SLC39A8: variants seen among roughly 807,000 people sequenced by gnomAD.
SLC39A8 encodes the protein solute carrier family 39 member 8.
A neutral mutation model predicts 40.4 loss-of-function variants in SLC39A8; 15 were observed. The observed-to-expected ratio is 0.37, with a 90% CI of 0.25 to 0.57. The LOEUF is 0.57. Among genes scored for constraint, SLC39A8 ranks in the 20% least tolerant of loss-of-function variants. SLC39A8 has a pLI of 0.75. For synonymous variants in SLC39A8, 223 were observed against 221.6 expected, an observed-to-expected ratio of 1.01 and a Z score of -0.06; for missense variants, 472 against 558.8, an observed-to-expected ratio of 0.84 and a Z score of 1.57.
intron 2 of SLC39A8, among the ~76,000 whole-genome samples, chr4:102,316,632 GA>G (rs1178757163): frequency 6.6e-6 from 1 of 152,152 alleles, no homozygotes; most frequent in Non-Finnish European, 1.5e-5. Flanking sequence ...ATTATAGTGT[GA>G]AAAATATCCA....
rs192029473 is a variant in SLC39A8, at chr4:102,319,245, G to A, written c.220-3415C>T. 2.6e-5 allele frequency among the ~76,000 whole-genome samples: 4 copies of A among 152,302 alleles called. No homozygotes were observed. The South Asian group carries it at 8.3e-4, about 32-fold the overall frequency. On this transcript the variant is annotated intron_variant, in intron 2 of 8. Coordinates refer to ENST00000356736, the MANE Select transcript of SLC39A8 (RefSeq NM_001135146.2). Reference sequence around the variant, plus strand: ...CCTAAACATGTCCTTATGGGAAAGTGGGGGGCTGGTTCAGAGAGAGGATGA... The same window carrying A: ...CCTAAACATGTCCTTATGGGAAAGTAGGGGGCTGGTTCAGAGAGAGGATGA...
intron 6 of SLC39A8, among the ~76,000 whole-genome samples, chr4:102,295,747 C>T (rs1333202179): frequency 6.6e-6 from 1 of 152,000 alleles, no homozygotes; most frequent in Non-Finnish European, 1.5e-5. Context: ...TTGATGCCAC[C>T]AGCCTCCACA....
In SLC39A8 at chr4:102,320,207, A is replaced by ATATATATG. The variant is rs1422007472; in HGVS notation, c.220-4385_220-4378dup. Among the ~76,000 whole-genome samples, 133 of 138,098 alleles carry ATATATATG rather than the reference A, an allele frequency of 9.6e-4. No homozygotes were observed. The South Asian group carries it at 0.012, about 13-fold the overall frequency. The allele number at this position is 138,098 out of a possible 152,430, so 90.6% of individuals were successfully genotyped here. On this transcript the variant is annotated intron_variant, in intron 2 of 8. Coordinates refer to ENST00000356736, the MANE Select transcript of SLC39A8 (RefSeq NM_001135146.2). ...TATATATATGTATATATATATGTAT[A>ATATATATG]TATATATGTATATATGTATGAGTAT...
intron 2 of SLC39A8, among the ~76,000 whole-genome samples, chr4:102,319,159 C>T (rs895297635): frequency 2.0e-5 from 3 of 152,156 alleles, no homozygotes; most frequent in East Asian, 1.9e-4. Context: ...TTTTGGCTTC[C>T]GCTTCTGCTC....
At chr4:102,324,285 C>T (rs1735100777) in intron 2 of SLC39A8, 1 of 323,800 alleles carries the variant, frequency 3.1e-6, no homozygotes, top group Non-Finnish European at 6.3e-6. Flanking sequence ...ATCCCAGCTA[C>T]TCGGAAGGCT....
In SLC39A8 at chr4:102,307,466, A is replaced by T; in HGVS notation, c.522T>A (p.Phe174Leu). 1 of 1,613,298 alleles carries T rather than the reference A, an allele frequency of 6.2e-7. No homozygotes were observed. The highest frequency in any genetic ancestry group is 8.5e-7 in the Non-Finnish European group (1 of 1,179,576). ...FFVGLAIGTL[F>L]SNAIFQLIPE... Reference sequence around the variant, plus strand: ...GAATAAGTTGGAAAATTGCATTTGAAAAAAGAGTCCCAATAGCCAGCCCCA... The same window carrying T: ...GAATAAGTTGGAAAATTGCATTTGATAAAAGAGTCCCAATAGCCAGCCCCA... Residue 174 changes from phenylalanine to leucine, a missense_variant, in exon 4 of 9, where the codon TTT becomes TTA. This residue lies in a region of SLC39A8 where 239 missense variants were observed against 317.9 expected (regional missense o/e 0.75). Transcript: ENST00000356736.
At chr4:102,263,249 A>G (rs1731949241) in intron 8 of SLC39A8, 56 bp from the exon 9 acceptor site, 1 of 1,507,142 alleles carries the variant, frequency 6.6e-7, no homozygotes, top group African/African-American at 1.4e-5. Context: ...AAACCACAAA[A>G]CAGTCACTTA....
At chr4:102,269,975 A>C (rs1338284001) in intron 6 of SLC39A8, among the ~76,000 whole-genome samples, 1 of 152,216 alleles carries the variant, frequency 6.6e-6, no homozygotes, top group African/African-American at 2.4e-5. Context: ...TGCATAAAAA[A>C]TGCCCCAGAG....
chr4:102,312,399 T>C (rs1211063302), intron 3 of SLC39A8, among the ~76,000 whole-genome samples: 4 of 152,106 alleles, frequency 2.6e-5, no homozygotes, highest in Admixed American at 6.6e-5. Context: ...AATTGCTGAC[T>C]TTTCCATTTT....
chr4:102,340,027 T>C (rs1373293848), intron 2 of SLC39A8, among the ~76,000 whole-genome samples: 1 of 152,230 alleles, frequency 6.6e-6, no homozygotes, highest in Non-Finnish European at 1.5e-5. Flanking sequence ...GTTAGTTCCT[T>C]AATCAGGCAT....
In SLC39A8 at chr4:102,263,926, TCTC is replaced by T. The variant is rs1221275447; in HGVS notation, c.1234-736_1234-734del. ...TTCAGTCCCATCTTCAGTCTCCACT[TCTC>T]ATTCTAGTTATCTTGCCATTTCCAC... On this transcript the variant is annotated intron_variant, in intron 8 of 8. Transcript: ENST00000356736. Among the ~76,000 whole-genome samples, 7 of 152,304 alleles carry T rather than the reference TCTC, an allele frequency of 4.6e-5. No homozygotes were observed. The East Asian group carries it at 7.7e-4, about 17-fold the overall frequency.
chr4:102,314,438 T>C (rs1734571612), intron 3 of SLC39A8, among the ~76,000 whole-genome samples: 1 of 152,078 alleles, frequency 6.6e-6, no homozygotes, highest in South Asian at 2.1e-4. Flanking sequence ...GTACAGTGAC[T>C]TCACACTACA....
intron 6 of SLC39A8, among the ~76,000 whole-genome samples, chr4:102,273,804 CAG>C (rs751569441): frequency 4.0e-4 from 61 of 152,282 alleles, no homozygotes; most frequent in African/African-American, 1.2e-3. Flanking sequence ...CCCAGGCAAA[CAG>C]GGGATGGAGT....
intron 6 of SLC39A8, among the ~76,000 whole-genome samples, chr4:102,292,745 A>G (rs866174161): frequency 1.2e-4 from 19 of 152,108 alleles, no homozygotes; most frequent in Middle Eastern, 3.4e-3. Flanking sequence ...CTTAATCCCC[A>G]TCACCCTCAC....
intron 11 of SLC39A8, chr4:102,253,457 T>C: frequency 1.4e-6 from 1 of 714,178 alleles, no homozygotes. Flanking sequence ...AGGAACATAG[T>C]AAAGTTTTAA....
chr4:102,295,883 A>T (rs11730750), intron 6 of SLC39A8, among the ~76,000 whole-genome samples: 61,570 of 151,958 alleles, frequency 0.41, 12,780 homozygotes, highest in Admixed American at 0.45. Flanking sequence ...AACTTGGACA[A>T]GCTTTTATCT....
At chr4:102,257,675 C>G (rs1335649990), downstream of SLC39A8, among the ~76,000 whole-genome samples, 2 of 152,188 alleles carry the variant, frequency 1.3e-5, no homozygotes, top group Non-Finnish European at 2.9e-5. Context: ...CCATCCTGTA[C>G]AGTTGAAAAG....
intron 6 of SLC39A8, among the ~76,000 whole-genome samples, chr4:102,300,697 T>C (rs1177352892): frequency 1.3e-5 from 2 of 152,010 alleles, no homozygotes; most frequent in East Asian, 3.9e-4. Context: ...AATTCTTAAA[T>C]CCATACTTGT....
chr4:102,271,599 G>A (rs1732366902), intron 6 of SLC39A8, among the ~76,000 whole-genome samples: 1 of 152,198 alleles, frequency 6.6e-6, no homozygotes, highest in Non-Finnish European at 1.5e-5. Flanking sequence ...AGGGCAAGAG[G>A]ACCAGGTGGC....
Sources: gnomAD v4.1 joint callset for allele counts (sites outside exome capture counted in the v4.1 genomes callset) on GRCh38, gnomAD v4.1.1 for gene constraint, gnomAD v4.1.1 regional missense constraint, MANE v1.5 for transcripts, NCBI Gene and HGNC (gene_info 2026-07-23, HGNC 2026-07-21) for gene names.